The following HNRNPDL variants were observed in gnomAD, a reference collection of about 807,000 sequenced individuals.
HNRNPDL encodes heterogeneous nuclear ribonucleoprotein D-like.
HNRNPDL carries 18 observed loss-of-function variants against 48.0 expected under a neutral mutation model. The observed-to-expected ratio is 0.38, with a 90% confidence interval of 0.26 to 0.56. The LOEUF is 0.56. Among genes scored for constraint, HNRNPDL ranks in the 20% least tolerant of loss-of-function variants. The probability of loss-of-function intolerance (pLI) is 0.77; values close to 1 mark genes in which losing one functional copy is unlikely to be tolerated. For synonymous variants in HNRNPDL, 306 were observed against 207.3 expected, an observed-to-expected ratio of 1.48 and a Z score of -4.09; for missense variants, 553 against 540.7, an observed-to-expected ratio of 1.02 and a Z score of -0.23.
In HNRNPDL at chr4:82,423,428, T is replaced by G. The variant is rs139028248; in HGVS notation, c.*1478A>C. 1.3e-5 allele frequency: 2 copies of G among 152,164 alleles called. No homozygotes were observed. Among genetic ancestry groups the G allele is most frequent in the Non-Finnish European group, 2.9e-5 (2 of 68,020 alleles). The allele number at this position is 152,164 out of a possible 1,614,324, so 9.4% of individuals were successfully genotyped here. On this transcript the variant is annotated 3_prime_UTR_variant, in exon 8 of 8. Transcript: ENST00000295470. ...GCCAACATTGGTACTTGGCCTAAGT[T>G]TAAGAATAGCAAAACAGCAGCAAAA... is the stretch of plus-strand genomic sequence containing the variant.
At position 82,427,180 on chromosome 4, in the gene HNRNPDL, T is replaced by G; in HGVS notation, c.1021+10A>C. On this transcript the variant is annotated intron_variant, in intron 5 of 7. Coordinates refer to ENST00000295470, the MANE Select transcript of HNRNPDL (RefSeq NM_031372.4). ...AACCACGGAGTCATATTTCAAGAAT[T>G]AAGTCTCACCTCGGCCACGACCCCT... 1 of 1,549,916 alleles carries G rather than the reference T, an allele frequency of 6.5e-7. No homozygotes were observed.
rs1038016549 is a variant in HNRNPDL, at chr4:82,422,865, G to C, written c.*2041C>G. On this transcript the variant is annotated 3_prime_UTR_variant, in exon 8 of 8. Transcript: ENST00000295470. ...AAACATACACAGAGTATTTGTTATA[G>C]GTACTTTAGAATTCATTTCTATCCC... 6.6e-6 allele frequency: 1 copy of C among 152,124 alleles called. No individual in the cohort carries two copies. The highest frequency in any genetic ancestry group is 6.6e-5 in the Admixed American group (1 of 15,264). 9.4% of individuals were successfully genotyped at this position (152,124 alleles called of 1,614,324 possible).
At chr4:82,429,217 G>T (rs773326362) in intron 1 of HNRNPDL, 31 bp downstream of exon 1, 3 of 1,601,356 alleles carry the variant, frequency 1.9e-6, no homozygotes, top group Non-Finnish European at 2.6e-6. Context: ...CGCGCTGGGG[G>T]AGGGGGAGCG....
At chr4:82,425,215 T>C (rs1417239016) in intron 7 of HNRNPDL, 1 of 152,232 alleles carries the variant, frequency 6.6e-6, no homozygotes, top group African/African-American at 2.4e-5. Flanking sequence ...ATAAGTTTAT[T>C]ACAAGAACAT....
Position 82,429,295 on chromosome 4 carries a change from G to A in HNRNPDL, c.396C>T (p.Phe132=), listed in dbSNP as rs766972406. 1.1e-5 allele frequency: 17 copies of A among 1,613,818 alleles called. No homozygotes were observed. Among genetic ancestry groups the A allele is most frequent in the Admixed American group, 1.7e-5 (1 of 60,028 alleles). ...TCGCGTTGATCTTGGATCCCTCTGC[G>A]AATTCCTCTATATTGCTGTACTCGT... The part of the protein sequence containing the change: ...DMNEYSNIEE[F]AEGSKINASK... The change falls in exon 1 of 8, where the codon TTC becomes TTT. Residue 132 remains phenylalanine (F), a synonymous_variant. Coordinates refer to ENST00000295470, the MANE Select transcript of HNRNPDL (RefSeq NM_031372.4).
In HNRNPDL at chr4:82,429,438, G is replaced by C; in HGVS notation, c.253C>G (p.Leu85Val). The change falls in exon 1 of 8, where the codon CTC becomes GTC. Residue 85 changes from leucine (L) to valine (V), a missense_variant. By Grantham distance (32) the Leu-to-Val change is conservative. This residue lies in a region of HNRNPDL where 327 missense variants were observed against 203.2 expected (regional missense o/e 1.61). Transcript: ENST00000295470. The part of the protein sequence containing the change: ...IKGGRRRRPD[L>V]FRRHFKSSSI... Reference sequence around the variant, plus strand: ...CTGGATTTAAAATGGCGGCGGAAGAGATCCGGGCGCCGCCTGCGCCCTCCC... The same window carrying C: ...CTGGATTTAAAATGGCGGCGGAAGACATCCGGGCGCCGCCTGCGCCCTCCC... 1.9e-6 allele frequency: 3 copies of C among 1,611,604 alleles called. No homozygotes were observed. The highest frequency in any genetic ancestry group is 2.5e-6 in the Non-Finnish European group (3 of 1,179,014).
At chr4:82,426,239 G>GA in intron 6 of HNRNPDL, 110 bp from the exon 7 acceptor site, 1 of 1,082,198 alleles carries the variant, frequency 9.2e-7, no homozygotes, top group East Asian at 2.4e-5. Flanking sequence ...AAAGTATTAA[G>GA]ATATTTTAGC....
At chr4:82,425,959 G>A (rs1721389230) in intron 7 of HNRNPDL, 78 bp downstream of exon 7, 1 of 970,650 alleles carries the variant, frequency 1.0e-6, no homozygotes. Flanking sequence ...ATAGTATTTT[G>A]TTTTTACGTT....
chr4:82,426,323 C>A, intron 6 of HNRNPDL, 140 bp downstream of exon 6: 2 of 858,808 alleles, frequency 2.3e-6, no homozygotes, highest in South Asian at 1.6e-5. Context: ...GTATAATCAT[C>A]CTATGATTGT....
At position 82,429,667 on chromosome 4, in the gene HNRNPDL, G is replaced by C; in HGVS notation, c.24C>G (p.Ser8=). The C allele has an allele frequency of 2.2e-6, 3 of 1,364,648 alleles. No individual in the cohort carries two copies. The South Asian group carries it at 5.4e-5, about 25-fold the overall frequency. 84.5% of individuals were successfully genotyped at this position (1,364,648 alleles called of 1,614,324 possible). The change falls in exon 1 of 8, where the codon TCC becomes TCG. Residue 8 remains serine (S), a synonymous_variant. Transcript: ENST00000295470. MEVPPRL[S]HVPPPLFPSA... ...AGGGGAACAATGGCGGCGGCACATGGGAAAGCCTGGGCGGGACCTCCATCG... is the reference window on the plus strand; with the variant it reads ...AGGGGAACAATGGCGGCGGCACATGCGAAAGCCTGGGCGGGACCTCCATCG...
At position 82,430,445 on chromosome 4, in the gene HNRNPDL, C is replaced by T. The variant is rs1204694479; in HGVS notation, c.-755G>A. ...GGCGCGCTCTCGCGCACCCTGCTCCCGCGTTCGCTTCTTTGTTCCCGCCCA... is the reference window on the plus strand; with the variant it reads ...GGCGCGCTCTCGCGCACCCTGCTCCTGCGTTCGCTTCTTTGTTCCCGCCCA... On this transcript the variant is annotated 5_prime_UTR_variant, in exon 1 of 8. Transcript: ENST00000295470. The T allele has an allele frequency of 1.4e-5, 3 of 207,678 alleles. No homozygotes were observed. The highest frequency in any genetic ancestry group is 5.6e-5 in the Admixed American group (1 of 17,960). 12.9% of individuals were successfully genotyped at this position (207,678 alleles called of 1,614,324 possible).
In HNRNPDL at chr4:82,428,250, G is replaced by A. The variant is rs373828999; in HGVS notation, c.612+28C>T. On this transcript the variant is annotated intron_variant, in intron 2 of 7. Transcript: ENST00000295470. The stretch of plus-strand genomic sequence containing the variant: ...GAAAAATTTGCAAAACACCACAAAA[G>A]CAGCACAATGCAAAACATAGTTCCT... The A allele has an allele frequency of 3.7e-4, 591 of 1,608,552 alleles. 1 individual carries two copies. Among genetic ancestry groups the A allele is most frequent in the Non-Finnish European group, 4.6e-4 (538 of 1,175,830 alleles).
rs749981753 is a variant in HNRNPDL at position 82,429,578 on chromosome 4, AGCTGCCGCGGCGGCC to A, written c.98_112del (p.Arg33_Gln37del). The A allele has an allele frequency of 2.7e-4, 371 of 1,389,774 alleles. 3 individuals are homozygous for A. The African/African-American group carries it at 5.0e-3, about 19-fold the overall frequency. The allele number at this position is 1,389,774 out of a possible 1,614,324, so 86.1% of individuals were successfully genotyped here. On this transcript the variant is annotated inframe_deletion, in exon 1 of 8. Coordinates refer to ENST00000295470, the MANE Select transcript of HNRNPDL (RefSeq NM_031372.4). Reference sequence around the variant, plus strand: ...AGCGAGCGAAGGGAGGAGCGGGGCTAGCTGCCGCGGCGGCCGCGGCCGCCAATGGGAGAGGCTGCG... The same window carrying A: ...AGCGAGCGAAGGGAGGAGCGGGGCTAGCGGCCGCCAATGGGAGAGGCTGCG...
intron 1 of HNRNPDL, among the ~76,000 whole-genome samples, chr4:82,428,738 T>TG (rs1373278025): frequency 6.6e-6 from 1 of 152,218 alleles, no homozygotes; most frequent in East Asian, 1.9e-4. Flanking sequence ...ACTTCCTAGA[T>TG]GAATCCCTCA....
At chr4:82,426,398 AG>A in intron 6 of HNRNPDL, 64 bp downstream of exon 6, 1 of 1,400,342 alleles carries the variant, frequency 7.1e-7, no homozygotes, top group Non-Finnish European at 1.0e-6. Context: ...ATTTCAGAAC[AG>A]GATTGTATGT....
At chr4:82,427,880 TAC>T (rs1721484436) in intron 3 of HNRNPDL, 136 bp downstream of exon 3, 1 of 839,344 alleles carries the variant, frequency 1.2e-6, no homozygotes, top group Non-Finnish European at 1.8e-6. Context: ...GAAATCAAGG[TAC>T]AGTCACTGGA....
chr4:82,423,335 C>G lies in HNRNPDL; in HGVS notation c.*1571G>C, dbSNP rs1721267345. The G allele has an allele frequency of 6.6e-6, 1 of 152,178 alleles. No homozygotes were observed. Among genetic ancestry groups the G allele is most frequent in the Non-Finnish European group, 1.5e-5 (1 of 68,034 alleles). The allele number at this position is 152,178 out of a possible 1,614,324, so 9.4% of individuals were successfully genotyped here. ...CTAGACACCGCACCTACTGACAACA[C>G]AACTTAAAAATGAACTTACTTCCAT... On this transcript the variant is annotated 3_prime_UTR_variant, in exon 8 of 8. Coordinates refer to ENST00000295470, the MANE Select transcript of HNRNPDL (RefSeq NM_031372.4).
intron 3 of HNRNPDL, 76 bp downstream of exon 3, chr4:82,427,942 G>T: frequency 7.3e-7 from 1 of 1,370,368 alleles, no homozygotes; most frequent in Non-Finnish European, 1.0e-6. Flanking sequence ...ACATGAATCT[G>T]CCCTGCATAA....
chr4:82,427,185 C>G lies in HNRNPDL; in HGVS notation c.1021+5G>C. ...CGGAGTCATATTTCAAGAATTAAGT[C>G]TCACCTCGGCCACGACCCCTCGTAC... On this transcript the variant is annotated splice_donor_5th_base_variant and intron_variant, in intron 5 of 7. Transcript: ENST00000295470. The G allele has an allele frequency of 2.5e-6, 4 of 1,581,698 alleles. No individual in the cohort carries two copies. The highest frequency in any genetic ancestry group is 3.5e-6 in the Non-Finnish European group (4 of 1,150,754).
Sources: gnomAD v4.1 joint callset for allele counts (sites outside exome capture counted in the v4.1 genomes callset) on GRCh38, gnomAD v4.1.1 for gene constraint, gnomAD v4.1.1 regional missense constraint, MANE v1.5 for transcripts, NCBI Gene and HGNC (gene_info 2026-07-23, HGNC 2026-07-21) for gene names.